The following ADAMTS9 variants were observed in gnomAD, a reference collection of about 807,000 sequenced individuals.
ADAMTS9 encodes the protein A disintegrin and metalloproteinase with thrombospondin motifs 9.
In ADAMTS9, 107 loss-of-function variants were observed where a neutral mutation model predicts 257.1. That is an observed-to-expected ratio of 0.42 (90% CI 0.36 to 0.49). ADAMTS9 has a LOEUF of 0.49. Ranked by LOEUF, ADAMTS9 falls within the 20% of genes least tolerant of loss-of-function variation. The probability of loss-of-function intolerance (pLI) is 0.03; values close to 1 mark genes in which losing one functional copy is unlikely to be tolerated. For synonymous variants in ADAMTS9, 982 were observed against 880.9 expected (o/e 1.11, Z -2.03); for missense variants, 2,353 against 2,469.1 (o/e 0.95, Z 1.00).
At chr3:64,631,785 G>A (rs749095900) in intron 15 of ADAMTS9, 23 bp downstream of exon 15, 2 of 1,572,242 alleles carry the variant, frequency 1.3e-6, no homozygotes, top group South Asian at 1.1e-5. Flanking sequence ...TCCTTCTCAT[G>A]GTTCTTAGGA....
chr3:64,649,570 G>A, intron 10 of ADAMTS9, 67 bp downstream of exon 10: 1 of 1,509,974 alleles, frequency 6.6e-7, no homozygotes, highest in East Asian at 2.3e-5. Flanking sequence ...GAATGCAATG[G>A]AAAACTATGA....
At chr3:64,622,685 C>A in intron 16 of ADAMTS9, 99 bp from the exon 17 acceptor site, 6 of 1,330,104 alleles carry the variant, frequency 4.5e-6, no homozygotes, top group Non-Finnish European at 4.2e-6. Context: ...TCGCTGTGCA[C>A]GGAATGGGGA....
intron 36 of ADAMTS9, among the ~76,000 whole-genome samples, chr3:64,539,891 A>G (rs2083098686): frequency 6.6e-6 from 1 of 152,250 alleles, no homozygotes; most frequent in Non-Finnish European, 1.5e-5. Context: ...TACAAGGCTA[A>G]CCCAAAGTGC....
chr3:64,668,470 T>A (rs915509049), intron 3 of ADAMTS9, among the ~76,000 whole-genome samples: 2 of 152,080 alleles, frequency 1.3e-5, no homozygotes, highest in African/African-American at 2.4e-5. Flanking sequence ...GAGACCCGTG[T>A]GTAAATCCCA....
intron 11 of ADAMTS9, among the ~76,000 whole-genome samples, chr3:64,645,778 C>G (rs115984487): frequency 6.6e-6 from 1 of 152,132 alleles, no homozygotes; most frequent in Non-Finnish European, 1.5e-5. Context: ...CTTGGGAATG[C>G]CTTGAAGGCT....
intron 23 of ADAMTS9, among the ~76,000 whole-genome samples, chr3:64,605,476 C>A (rs1337959839): frequency 6.6e-6 from 1 of 152,136 alleles, no homozygotes; most frequent in African/African-American, 2.4e-5. Context: ...TTTTAACACT[C>A]TTTATCCATT....
intron 3 of ADAMTS9, among the ~76,000 whole-genome samples, chr3:64,665,865 T>G (rs913496794): frequency 1.3e-5 from 2 of 152,196 alleles, no homozygotes; most frequent in African/African-American, 4.8e-5. Flanking sequence ...ATATAAATAC[T>G]TGCTTCCATC....
intron 31 of ADAMTS9, among the ~76,000 whole-genome samples, chr3:64,547,328 C>T (rs964055247): frequency 3.9e-5 from 5 of 129,510 alleles, no homozygotes; most frequent in African/African-American, 1.4e-4. Context: ...CTATGATGAC[C>T]ACCAAATTGG....
At chr3:64,594,084 TATC>T (rs1166804737) in intron 28 of ADAMTS9, among the ~76,000 whole-genome samples, 171 bp downstream of exon 28, 1 of 151,930 alleles carries the variant, frequency 6.6e-6, no homozygotes, top group Non-Finnish European at 1.5e-5. Flanking sequence ...ACTTTGGCAA[TATC>T]ATAAAAAGTT....
intron 3 of ADAMTS9, among the ~76,000 whole-genome samples, chr3:64,672,810 C>G (rs1701526066): frequency 6.6e-6 from 1 of 152,192 alleles, no homozygotes; most frequent in Non-Finnish European, 1.5e-5. Flanking sequence ...GGCTTCAAAA[C>G]ACAGGTGAGG....
intron 3 of ADAMTS9, among the ~76,000 whole-genome samples, chr3:64,670,141 TCTC>T (rs1293399096): frequency 4.0e-5 from 6 of 151,872 alleles, no homozygotes; most frequent in African/African-American, 1.5e-4. Context: ...TCTGTCTCAG[TCTC>T]ATTGTCCCTC....
At chr3:64,524,249 G>A (rs555934367) in intron 38 of ADAMTS9, among the ~76,000 whole-genome samples, 1 of 152,292 alleles carries the variant, frequency 6.6e-6, no homozygotes, top group African/African-American at 2.4e-5. Context: ...TAGCAATTGA[G>A]GAGCTTCAAT....
intron 17 of ADAMTS9, 26 bp from the exon 18 acceptor site, chr3:64,622,353 C>T (rs372762911): frequency 4.4e-5 from 71 of 1,612,692 alleles, no homozygotes; most frequent in African/African-American, 2.7e-4. Flanking sequence ...AAAACAGAAA[C>T]GAACTGGGTG....
At chr3:64,648,427 C>T (rs1165987703) in intron 10 of ADAMTS9, among the ~76,000 whole-genome samples, 1 of 152,184 alleles carries the variant, frequency 6.6e-6, no homozygotes, top group East Asian at 1.9e-4. Flanking sequence ...CAGTAATAGA[C>T]AGCATTTAAG....
rs2084754947 is a variant in ADAMTS9 at position 64,615,985 on chromosome 3, C to T, written c.2999G>A (p.Gly1000Asp). ...EKCSGECNTG[G>D]WRYSAWTECS... Reference sequence around the variant, plus strand: ...TTCAGTCCAGGCAGAATAGCGCCAGCCACCCGTGTTACATTCCCCTGAGCA... The same window carrying T: ...TTCAGTCCAGGCAGAATAGCGCCAGTCACCCGTGTTACATTCCCCTGAGCA... The change falls in exon 20 of 40, where the codon GGC (glycine) becomes GAC (aspartate). Residue 1000 changes from glycine to aspartate, a missense_variant. By Grantham distance (94) the Gly-to-Asp change is moderately conservative. This residue lies in a region of ADAMTS9 where 1,402 missense variants were observed against 1,441.4 expected (regional missense o/e 0.97). Coordinates refer to ENST00000498707, the MANE Select transcript of ADAMTS9 (RefSeq NM_182920.2). The T allele has an allele frequency of 6.2e-7, 1 of 1,613,376 alleles. No individual in the cohort carries two copies. Among genetic ancestry groups the T allele is most frequent in the African/African-American group, 1.3e-5 (1 of 74,902 alleles).
At chr3:64,578,523 C>G (rs1219889908) in intron 28 of ADAMTS9, among the ~76,000 whole-genome samples, 1 of 152,168 alleles carries the variant, frequency 6.6e-6, no homozygotes, top group African/African-American at 2.4e-5. Flanking sequence ...GGTGTTAGGA[C>G]AGTCAGACCT....
At chr3:64,567,020 A>G (rs564870808) in intron 29 of ADAMTS9, among the ~76,000 whole-genome samples, 1 of 152,262 alleles carries the variant, frequency 6.6e-6, no homozygotes, top group East Asian at 1.9e-4. Flanking sequence ...TTATTGTTAA[A>G]TTAAAACAAA....
chr3:64,535,500 C>T (rs1164622261), intron 37 of ADAMTS9, among the ~76,000 whole-genome samples: 2 of 151,514 alleles, frequency 1.3e-5, no homozygotes, highest in Non-Finnish European at 2.9e-5. Flanking sequence ...CCTCAGACAC[C>T]GGATTCTGTA....
At chr3:64,566,412 G>A (rs932619844) in intron 29 of ADAMTS9, among the ~76,000 whole-genome samples, 2 of 152,138 alleles carry the variant, frequency 1.3e-5, no homozygotes, top group Non-Finnish European at 2.9e-5. Context: ...ATATAACTGT[G>A]TTTACTTGCA....
Sources: gnomAD v4.1 joint callset for allele counts (sites outside exome capture counted in the v4.1 genomes callset) on GRCh38, gnomAD v4.1.1 for gene constraint, gnomAD v4.1.1 regional missense constraint, MANE v1.5 for transcripts, NCBI Gene and HGNC (gene_info 2026-07-23, HGNC 2026-07-21) for gene names.